TMC1: variants seen among roughly 807,000 people sequenced by gnomAD.
TMC1 encodes transmembrane channel like 1.
A neutral mutation model predicts 105.8 loss-of-function variants in TMC1; 84 were observed. The ratio of observed to expected loss-of-function variants is 0.79; its 90% CI spans 0.67 to 0.95. TMC1 has a LOEUF of 0.95. Ranked by LOEUF, TMC1 falls within the 40% of genes least tolerant of loss-of-function variation. The pLI is 0.00. For synonymous variants in TMC1, 315 were observed against 311.5 expected, an observed-to-expected ratio of 1.01 and a Z score of -0.12; for missense variants, 817 against 914.1, an observed-to-expected ratio of 0.89 and a Z score of 1.37.
chr9:72,680,628 A>G (rs1826271062), intron 5 of TMC1, among the ~76,000 whole-genome samples: 1 of 152,072 alleles, frequency 6.6e-6, no homozygotes, highest in Non-Finnish European at 1.5e-5. Flanking sequence ...TCTAAGTTCT[A>G]TATTGCTCTC....
chr9:72,641,435 C>T (rs889229007), intron 4 of TMC1, among the ~76,000 whole-genome samples: 7 of 152,176 alleles, frequency 4.6e-5, no homozygotes, highest in Admixed American at 2.0e-4. Context: ...TGCACTGTGT[C>T]AAAAACAGTC....
chr9:72,763,788 T>A (rs981229382), intron 12 of TMC1, among the ~76,000 whole-genome samples: 7 of 152,182 alleles, frequency 4.6e-5, no homozygotes, highest in East Asian at 3.9e-4. Context: ...CTAATTATTT[T>A]TTTTTTTTCT....
At chr9:72,721,703 T>C (rs886951511) in intron 8 of TMC1, among the ~76,000 whole-genome samples, 1 of 152,194 alleles carries the variant, frequency 6.6e-6, no homozygotes, top group Non-Finnish European at 1.5e-5. Flanking sequence ...GAATTTCACC[T>C]GACTATTCCA....
In TMC1 at chr9:72,641,155, G is replaced by A. The variant is rs963651586; in HGVS notation, c.-52-7442G>A. On this transcript the variant is annotated intron_variant, in intron 4 of 23. Transcript: ENST00000297784. ...GTTGCCCAGTCTGGAATGCAGTGGT[G>A]CAATCTCAGCTCACTGAAACCTCCG... 7.2e-5 allele frequency among the ~76,000 whole-genome samples: 11 copies of A among 152,288 alleles called. No homozygotes were observed. The East Asian group carries it at 2.1e-3, about 29-fold the overall frequency.
At chr9:72,606,971 G>GTATGTATGTATGTATGTA (rs33944435) in intron 2 of TMC1, among the ~76,000 whole-genome samples, 7 of 135,254 alleles carry the variant, frequency 5.2e-5, no homozygotes, top group African/African-American at 2.1e-4. Flanking sequence ...ATGTATGTAT[G>GTATGTATGTATGTATGTA]TGTGTGTGTG....
chr9:72,735,530 T>C (rs1226332623), intron 8 of TMC1, among the ~76,000 whole-genome samples: 2 of 152,254 alleles, frequency 1.3e-5, no homozygotes, highest in East Asian at 3.8e-4. Context: ...TATTGATCAA[T>C]GTTTATCTTC....
At chr9:72,576,286 A>T (rs1824378329) in intron 1 of TMC1, among the ~76,000 whole-genome samples, 1 of 152,154 alleles carries the variant, frequency 6.6e-6, no homozygotes, top group African/African-American at 2.4e-5. Context: ...AGAGCACCAT[A>T]AATACTCTCA....
In TMC1 at chr9:72,803,941, A is replaced by G. The variant is rs936969258; in HGVS notation, c.1567-1441A>G. On this transcript the variant is annotated intron_variant, in intron 17 of 23. Transcript: ENST00000297784. Reference sequence around the variant, plus strand: ...CAAAGATACATGCCCACGTATATTCATTGCAGCACTATTCACAATAGCAGA... The same window carrying G: ...CAAAGATACATGCCCACGTATATTCGTTGCAGCACTATTCACAATAGCAGA... 1.3e-5 allele frequency among the ~76,000 whole-genome samples: 2 copies of G among 152,228 alleles called. 1 individual carries two copies. Among genetic ancestry groups the G allele is most frequent in the Non-Finnish European group, 2.9e-5 (2 of 68,040 alleles).
At chr9:72,716,396 G>C (rs1826919604) in intron 8 of TMC1, among the ~76,000 whole-genome samples, 1 of 152,220 alleles carries the variant, frequency 6.6e-6, no homozygotes, top group Admixed American at 6.5e-5. Flanking sequence ...GTCCCAGGAA[G>C]GTGGGGGTTT....
In TMC1 at chr9:72,610,655, C is replaced by T. The variant is rs114432861; in HGVS notation, c.-305-5713C>T. On this transcript the variant is annotated intron_variant, in intron 2 of 23. Transcript: ENST00000297784. Reference sequence around the variant, plus strand: ...CCAGTCTACTGATTTAGATGTTAATCTCATCCAGAAACACCCTCACAGACA... The same window carrying T: ...CCAGTCTACTGATTTAGATGTTAATTTCATCCAGAAACACCCTCACAGACA... Among the ~76,000 whole-genome samples the T allele has an allele frequency of 1.5e-4, 23 of 152,300 alleles. 1 individual carries two copies. Among genetic ancestry groups the T allele is most frequent in the African/African-American group, 5.5e-4 (23 of 41,568 alleles).
chr9:72,701,130 T>G (rs933257755), intron 8 of TMC1, among the ~76,000 whole-genome samples: 2 of 152,128 alleles, frequency 1.3e-5, no homozygotes, highest in Admixed American at 6.6e-5. Context: ...TTGTTTCTCT[T>G]CAGGGCCCTG....
intron 1 of TMC1, among the ~76,000 whole-genome samples, chr9:72,561,990 A>C (rs932928244): frequency 1.3e-5 from 2 of 149,796 alleles, no homozygotes; most frequent in African/African-American, 5.0e-5. Flanking sequence ...CCTGGGCAAC[A>C]GAACAAGATC....
chr9:72,684,580 A>T (rs984340297), intron 5 of TMC1, among the ~76,000 whole-genome samples: 2 of 152,086 alleles, frequency 1.3e-5, no homozygotes, highest in Admixed American at 6.6e-5. Context: ...TTTAAATACA[A>T]TGTTTTTGCT....
intron 18 of TMC1, among the ~76,000 whole-genome samples, chr9:72,805,960 G>A (rs963157058): frequency 3.7e-4 from 56 of 152,132 alleles, no homozygotes; most frequent in East Asian, 2.1e-3. Flanking sequence ...ACACAGACAC[G>A]GCAACCATCC....
At chr9:72,636,512 C>A (rs1825536190) in intron 4 of TMC1, among the ~76,000 whole-genome samples, 1 of 151,868 alleles carries the variant, frequency 6.6e-6, no homozygotes, top group Admixed American at 6.6e-5. Context: ...GCCTGGCCAC[C>A]ATGGTGAAAC....
intron 2 of TMC1, among the ~76,000 whole-genome samples, chr9:72,604,788 T>G (rs1183803810): frequency 6.6e-6 from 1 of 152,220 alleles, no homozygotes; most frequent in African/African-American, 2.4e-5. Flanking sequence ...TTAAAGAACC[T>G]CAACTGAGTT....
intron 1 of TMC1, among the ~76,000 whole-genome samples, chr9:72,529,020 A>G (rs1158505245): frequency 2.6e-5 from 4 of 151,882 alleles, no homozygotes; most frequent in African/African-American, 7.3e-5. Flanking sequence ...TTCATATTGT[A>G]TTAGGCATTA....
intron 1 of TMC1, among the ~76,000 whole-genome samples, chr9:72,538,867 G>A (rs1402583586): frequency 1.3e-5 from 2 of 152,142 alleles, no homozygotes; most frequent in African/African-American, 4.8e-5. Flanking sequence ...TATGATCTCT[G>A]TTTTAATGTT....
At chr9:72,556,455 A>G (rs1262628844) in intron 1 of TMC1, among the ~76,000 whole-genome samples, 1 of 151,880 alleles carries the variant, frequency 6.6e-6, no homozygotes, top group African/African-American at 2.4e-5. Flanking sequence ...ACTCCTTAGG[A>G]ACGTCTCACA....
Sources: allele counts gnomAD v4.1 joint callset (sites outside exome capture counted in the v4.1 genomes callset), GRCh38; gene constraint gnomAD v4.1.1; transcripts MANE v1.5; gene names NCBI Gene and HGNC (gene_info 2026-07-23, HGNC 2026-07-21).